Variants in RYR2 observed in about 807,000 individuals in gnomAD.
RYR2 encodes the protein cardiac muscle ryanodine receptor-calcium release channel.
In RYR2, 227 loss-of-function variants were observed where a neutral mutation model predicts 601.1. That is an observed-to-expected ratio of 0.38 (90% confidence interval 0.34 to 0.42). RYR2 has a LOEUF of 0.42. Among genes scored for constraint, RYR2 ranks in the 10% least tolerant of loss-of-function variants. RYR2 has a pLI of 1.00. For missense variants in RYR2, 4,646 were observed against 6,156.5 expected, an observed-to-expected ratio of 0.75 and a Z score of 8.21; for synonymous variants, 2,223 against 2,175.1, an observed-to-expected ratio of 1.02 and a Z score of -0.61.
intron 1 of RYR2, among the ~76,000 whole-genome samples, chr1:237,179,248 A>G (rs1678427269): frequency 6.6e-6 from 1 of 151,050 alleles, no homozygotes; most frequent in South Asian, 2.1e-4. Flanking sequence ...GAAGAGACAT[A>G]CTCTTAGAGC....
chr1:237,244,730 C>G (rs1484162618), intron 1 of RYR2, among the ~76,000 whole-genome samples: 1 of 152,090 alleles, frequency 6.6e-6, no homozygotes, highest in Non-Finnish European at 1.5e-5. Context: ...ATTAAACCTC[C>G]TCTCCTAAAC....
chr1:237,736,227 G>A (rs1423281496), intron 79 of RYR2, among the ~76,000 whole-genome samples: 2 of 152,058 alleles, frequency 1.3e-5, no homozygotes, highest in African/African-American at 2.4e-5. Context: ...TTGGGAGGCC[G>A]AGGCGGATGG....
At chr1:237,799,202 A>G (rs561724093) in intron 97 of RYR2, among the ~76,000 whole-genome samples, 9 of 152,336 alleles carry the variant, frequency 5.9e-5, no homozygotes, top group Admixed American at 2.0e-4. Context: ...AAACAAATGT[A>G]TATTTAAACG....
chr1:237,531,771 T>A (rs1173050010), intron 25 of RYR2, among the ~76,000 whole-genome samples: 2 of 152,192 alleles, frequency 1.3e-5, no homozygotes, highest in African/African-American at 4.8e-5. Context: ...CCAAAAGATG[T>A]GTTTTATGGG....
chr1:237,279,279 G>A (rs189851601), intron 2 of RYR2, among the ~76,000 whole-genome samples: 214 of 152,272 alleles, frequency 1.4e-3, no homozygotes, highest in African/African-American at 4.8e-3. Flanking sequence ...ACAGGGTGCA[G>A]TTTATAATAA....
intron 1 of RYR2, among the ~76,000 whole-genome samples, chr1:237,208,964 A>ATATATATATG (rs1558427995): frequency 9.6e-6 from 1 of 104,584 alleles, no homozygotes; most frequent in Non-Finnish European, 2.1e-5. Context: ...ATATATATAT[A>ATATATATATG]TATATATATA....
At chr1:237,599,657 C>G (rs1676275356) in intron 34 of RYR2, among the ~76,000 whole-genome samples, 1 of 151,888 alleles carries the variant, frequency 6.6e-6, no homozygotes, top group South Asian at 2.1e-4. Context: ...CTCGTCTCTA[C>G]TAAAAATACA....
intron 79 of RYR2, among the ~76,000 whole-genome samples, chr1:237,737,643 T>C (rs1352629015): frequency 1.3e-5 from 2 of 152,250 alleles, no homozygotes; most frequent in East Asian, 1.9e-4. Flanking sequence ...AACATTTGAT[T>C]CTGTCATACA....
chr1:237,301,794 G>T (rs551008801), intron 2 of RYR2, among the ~76,000 whole-genome samples: 28 of 152,072 alleles, frequency 1.8e-4, no homozygotes, highest in African/African-American at 6.5e-4. Context: ...AGTTATCATT[G>T]ACCAGAGTGT....
chr1:237,552,940 AT>A (rs1670549260), intron 27 of RYR2, among the ~76,000 whole-genome samples: 1 of 151,972 alleles, frequency 6.6e-6, no homozygotes. Flanking sequence ...ATATTTTCTA[AT>A]TTTTGTTGGC....
At chr1:237,670,569 A>G (rs1398304036) in intron 58 of RYR2, among the ~76,000 whole-genome samples, 1 of 152,184 alleles carries the variant, frequency 6.6e-6, no homozygotes, top group Non-Finnish European at 1.5e-5. Flanking sequence ...CATAACTGGT[A>G]AACAAAATCA....
chr1:237,345,826 C>T (rs1241724513), intron 3 of RYR2, among the ~76,000 whole-genome samples: 1 of 152,000 alleles, frequency 6.6e-6, no homozygotes, highest in Non-Finnish European at 1.5e-5. Context: ...ATTAGTCCCC[C>T]TCATTCTTTT....
intron 10 of RYR2, among the ~76,000 whole-genome samples, chr1:237,410,618 T>G (rs991317225): frequency 6.6e-6 from 1 of 152,190 alleles, no homozygotes; most frequent in African/African-American, 2.4e-5. Context: ...AATAACAGAA[T>G]TAAATAATGA....
At chr1:237,270,742 T>C in intron 2 of RYR2, 126 bp downstream of exon 2, 1 of 1,071,328 alleles carries the variant, frequency 9.3e-7, no homozygotes, top group Non-Finnish European at 1.3e-6. Flanking sequence ...TATAACAATG[T>C]TTTCCATCTC....
intron 87 of RYR2, among the ~76,000 whole-genome samples, chr1:237,777,516 G>A (rs756821632): frequency 8.5e-5 from 13 of 152,050 alleles, no homozygotes; most frequent in African/African-American, 1.4e-4. Context: ...AGTTAAGAAC[G>A]GTATTTTATG....
chr1:237,117,872 A>G lies in RYR2; in HGVS notation c.48+75303A>G, dbSNP rs187477257. On this transcript the variant is annotated intron_variant, in intron 1 of 104. Transcript: ENST00000366574. ...ATGATTCTCCTGCCTCAGCCTCCCA[A>G]GTAGCTGGGTTACAGGCATGCACCA... 2.5e-3 allele frequency among the ~76,000 whole-genome samples: 385 copies of G among 152,190 alleles called. 3 individuals are homozygous for G. The highest frequency in any genetic ancestry group is 8.9e-3 in the African/African-American group (370 of 41,528).
chr1:237,507,198 C>T (rs1221853676), intron 23 of RYR2, among the ~76,000 whole-genome samples: 1 of 152,200 alleles, frequency 6.6e-6, no homozygotes, highest in African/African-American at 2.4e-5. Flanking sequence ...ACTTTTCTCT[C>T]GCTCATGTTT....
chr1:237,627,852 A>C lies in RYR2; in HGVS notation c.6212A>C (p.Gln2071Pro), dbSNP rs1426800953. The change falls in exon 41 of 105, where the codon CAG becomes CCG. Residue 2071 changes from glutamine to proline, a missense_variant. Gln to Pro is a moderately conservative substitution (Grantham distance 76). Coordinates refer to ENST00000366574, the MANE Select transcript of RYR2 (RefSeq NM_001035.3). Reference sequence around the variant, plus strand: ...TCTGAGACCATGGTCCGATGGGCTCAGGAGTCTGTCATTGAAGACCCCGAG... The same window carrying C: ...TCTGAGACCATGGTCCGATGGGCTCCGGAGTCTGTCATTGAAGACCCCGAG... ...LISETMVRWA[Q>P]ESVIEDPELV... 1 of 1,613,358 alleles carries C rather than the reference A, an allele frequency of 6.2e-7. No individual in the cohort carries two copies. Among genetic ancestry groups the C allele is most frequent in the Non-Finnish European group, 8.5e-7 (1 of 1,179,584 alleles).
At chr1:237,108,734 C>A (rs528376222) in intron 1 of RYR2, among the ~76,000 whole-genome samples, 1 of 152,144 alleles carries the variant, frequency 6.6e-6, no homozygotes, top group African/African-American at 2.4e-5. Context: ...CTTTTACACA[C>A]CCCAGGTGAT....
Sources: allele counts gnomAD v4.1 joint callset (sites outside exome capture counted in the v4.1 genomes callset), GRCh38; gene constraint gnomAD v4.1.1; transcripts MANE v1.5; gene names NCBI Gene and HGNC (gene_info 2026-07-23, HGNC 2026-07-21).